The following COL23A1 variants were observed in gnomAD, a reference collection of about 807,000 sequenced individuals.
The protein encoded by COL23A1 is collagen type XXIII alpha 1 chain, also known as collagen alpha-1(XXIII) chain.
A neutral mutation model predicts 99.3 loss-of-function variants in COL23A1; 97 were observed. That is an observed-to-expected ratio of 0.98 (90% confidence interval 0.83 to 1.16). The LOEUF (loss-of-function observed/expected upper bound fraction) is 1.16, where lower values mean the gene tolerates loss of function less well. COL23A1 is among the 50% of genes most tolerant of loss of function. The pLI is 0.00. For missense variants in COL23A1, 762 were observed against 757.4 expected, an observed-to-expected ratio of 1.01 and a Z score of -0.07; for synonymous variants, 320 against 308.2, an observed-to-expected ratio of 1.04 and a Z score of -0.40.
intron 2 of COL23A1, among the ~76,000 whole-genome samples, chr5:178,498,380 T>C (rs768199472): frequency 6.6e-6 from 1 of 151,196 alleles, no homozygotes; most frequent in Non-Finnish European, 1.5e-5. Flanking sequence ...CAGCAAATGG[T>C]AGAATATCCT....
chr5:178,407,576 C>T (rs577002761), intron 2 of COL23A1, among the ~76,000 whole-genome samples: 18 of 151,040 alleles, frequency 1.2e-4, no homozygotes, highest in African/African-American at 4.1e-4. Flanking sequence ...CTTCAGTGAG[C>T]AATTATGAAC....
intron 2 of COL23A1, among the ~76,000 whole-genome samples, chr5:178,483,008 G>A (rs1757423828): frequency 6.6e-6 from 1 of 152,044 alleles, no homozygotes; most frequent in Admixed American, 6.6e-5. Flanking sequence ...AGAGGCTGAG[G>A]CTGCAGTGAG....
At chr5:178,369,009 G>T (rs2973712) in intron 2 of COL23A1, among the ~76,000 whole-genome samples, 11,994 of 152,284 alleles carry the variant, frequency 0.079, 661 homozygotes, top group African/African-American at 0.16. Flanking sequence ...GCCCCTTCAA[G>T]GTTTAGCAAG....
chr5:178,383,217 G>A (rs931590308), intron 2 of COL23A1, among the ~76,000 whole-genome samples: 6 of 151,882 alleles, frequency 4.0e-5, no homozygotes, highest in Non-Finnish European at 8.8e-5. Context: ...TAGGTGCTGC[G>A]GCTACTGGTC....
chr5:178,239,328 T>G (rs1764269805), intron 27 of COL23A1, 149 bp from the exon 28 acceptor site: 1 of 814,110 alleles, frequency 1.2e-6, no homozygotes, highest in South Asian at 1.5e-5. Flanking sequence ...GCACAATGCC[T>G]CCTCTGTCCA....
At chr5:178,248,282 C>A in intron 19 of COL23A1, 28 bp from the exon 20 acceptor site, 1 of 1,592,766 alleles carries the variant, frequency 6.3e-7, no homozygotes, top group South Asian at 1.1e-5. Flanking sequence ...CCTGTGAGTC[C>A]TTTGTGTCCA....
intron 2 of COL23A1, among the ~76,000 whole-genome samples, chr5:178,326,345 A>G (rs1759656303): frequency 6.6e-6 from 1 of 151,942 alleles, no homozygotes; most frequent in Admixed American, 6.6e-5. Context: ...TTTACCCTCC[A>G]TGAAAGCCAT....
At chr5:178,361,627 G>A (rs1191605823) in intron 2 of COL23A1, among the ~76,000 whole-genome samples, 6 of 151,666 alleles carry the variant, frequency 4.0e-5, no homozygotes, top group Non-Finnish European at 5.9e-5. Flanking sequence ...TTTTCCTACT[G>A]CCTCCACCAG....
intron 2 of COL23A1, among the ~76,000 whole-genome samples, chr5:178,389,982 G>C (rs1763879737): frequency 6.6e-6 from 1 of 152,236 alleles, no homozygotes; most frequent in African/African-American, 2.4e-5. Flanking sequence ...GGCGGCAGGA[G>C]CTAGCAGCGG....
intron 1 of COL23A1, among the ~76,000 whole-genome samples, chr5:178,583,857 C>T (rs1763782553): frequency 6.6e-6 from 1 of 152,144 alleles, no homozygotes; most frequent in Non-Finnish European, 1.5e-5. Context: ...TAACCCCCTG[C>T]TTTCTCCCCA....
At chr5:178,442,464 A>G (rs1485299773) in intron 2 of COL23A1, among the ~76,000 whole-genome samples, 1 of 152,160 alleles carries the variant, frequency 6.6e-6, no homozygotes, top group Non-Finnish European at 1.5e-5. Context: ...GTCAAAAGCA[A>G]TTTCCCAGAG....
At chr5:178,324,954 G>A (rs557955424) in intron 2 of COL23A1, among the ~76,000 whole-genome samples, 72 of 152,298 alleles carry the variant, frequency 4.7e-4, no homozygotes, top group Admixed American at 3.4e-3. Context: ...CTGTCTGCAC[G>A]CTGGCCCTAC....
Position 178,249,146 on chromosome 5 carries a change from C to CT in COL23A1, c.1119dup (p.Ala374SerfsTer13). 1 of 1,614,192 alleles carries CT rather than the reference C, an allele frequency of 6.2e-7. No homozygotes were observed. The highest frequency in any genetic ancestry group is 8.5e-7 in the Non-Finnish European group (1 of 1,179,978). On this transcript the variant is annotated frameshift_variant, in exon 19 of 29. Coordinates refer to ENST00000390654, the MANE Select transcript of COL23A1 (RefSeq NM_173465.4). LOFTEE classifies it high-confidence loss of function. ...AGGCCGGACAAGCCCATCTCGCCTG[C>CT]TTCCCCTTTGAGTCCTGCTGGCCCA...
At chr5:178,292,695 G>A (rs888625325) in intron 3 of COL23A1, among the ~76,000 whole-genome samples, 3 of 152,312 alleles carry the variant, frequency 2.0e-5, no homozygotes, top group Admixed American at 6.5e-5. Context: ...GGTGGACGTG[G>A]TTGGGTTCTG....
intron 2 of COL23A1, among the ~76,000 whole-genome samples, chr5:178,477,349 GTCAGGCATGGATCTTC>G: frequency 6.6e-6 from 1 of 152,170 alleles, no homozygotes; most frequent in East Asian, 1.9e-4. Flanking sequence ...AGAGAGGCTT[GTCAGGCATGGATCTTC>G]CCTGCCCCAC....
chr5:178,497,522 G>A (rs1337398326), intron 2 of COL23A1, among the ~76,000 whole-genome samples: 1 of 152,190 alleles, frequency 6.6e-6, no homozygotes, highest in African/African-American at 2.4e-5. Context: ...GTGGATGAGA[G>A]TCAGGAGAAA....
rs536358598 is a variant in COL23A1, at chr5:178,271,218, T to G, written c.442-855A>C. ...CCCTCCGTGTGGGAGTGGGGAGGAA[T>G]CCAGCTGGCAGGGATGCTGGGACCA... On this transcript the variant is annotated intron_variant, in intron 5 of 28. Coordinates refer to ENST00000390654, the MANE Select transcript of COL23A1 (RefSeq NM_173465.4). Among the ~76,000 whole-genome samples, 6 of 152,192 alleles carry G rather than the reference T, an allele frequency of 3.9e-5. No homozygotes were observed. The South Asian group carries it at 1.2e-3, about 32-fold the overall frequency.
At chr5:178,498,239 T>TATATATAG (rs1304942360) in intron 2 of COL23A1, among the ~76,000 whole-genome samples, 2 of 59,912 alleles carry the variant, frequency 3.3e-5, no homozygotes, top group African/African-American at 2.6e-4. Flanking sequence ...TATATATATA[T>TATATATAG]ATATATATAT....
Position 178,340,501 on chromosome 5 carries a change from G to C in COL23A1, c.362-33582C>G, listed in dbSNP as rs1760592410. ...GGATCTGAAGCCCACAGTGTGGGCTGCTCCGTTTGGTCAGAGCTTCTCAAA... is the reference window on the plus strand; with the variant it reads ...GGATCTGAAGCCCACAGTGTGGGCTCCTCCGTTTGGTCAGAGCTTCTCAAA... On this transcript the variant is annotated intron_variant, in intron 2 of 28. Transcript: ENST00000390654. The surrounding 1 kb of genome is among the most constrained non-coding windows in gnomAD (Gnocchi z 4.7). 6.6e-6 allele frequency among the ~76,000 whole-genome samples: 1 copy of C among 152,170 alleles called. No homozygotes were observed. The highest frequency in any genetic ancestry group is 1.5e-5 in the Non-Finnish European group (1 of 68,040).
Sources: allele counts gnomAD v4.1 joint callset (sites outside exome capture counted in the v4.1 genomes callset), GRCh38; gene constraint gnomAD v4.1.1; non-coding constraint Gnocchi (gnomAD v3.1); transcripts MANE v1.5; gene names NCBI Gene and HGNC (gene_info 2026-07-23, HGNC 2026-07-21).